DERA: variants seen among roughly 807,000 people sequenced by gnomAD.
DERA encodes deoxyribose-phosphate aldolase, also known as 2-deoxy-D-ribose 5-phosphate aldolase.
Under a neutral mutation model 41.1 loss-of-function variants are expected in DERA, and 15 were observed. That is an observed-to-expected ratio of 0.37 (90% confidence interval 0.24 to 0.56). The LOEUF (loss-of-function observed/expected upper bound fraction) is 0.56, where lower values mean the gene tolerates loss of function less well. Ranked by LOEUF, DERA falls within the 20% of genes least tolerant of loss-of-function variation. The probability of loss-of-function intolerance (pLI) is 0.81; values close to 1 mark genes in which losing one functional copy is unlikely to be tolerated. For synonymous variants in DERA, 139 were observed against 137.4 expected (o/e 1.01, Z -0.08); for missense variants, 396 against 403.4 (o/e 0.98, Z 0.16).
In DERA at chr12:15,972,416, A is replaced by T. The variant is rs1948667688; in HGVS notation, c.508+9469A>T. ...TTCACCCTTTAGAGACACTGCACAC[A>T]TCCCAGCCAGCTGGCTGTCCCGCAG... On this transcript the variant is annotated intron_variant, in intron 5 of 8. Coordinates refer to ENST00000428559, the MANE Select transcript of DERA (RefSeq NM_015954.4). The surrounding 1 kb of genome is among the most constrained non-coding windows in gnomAD (Gnocchi z 4.4). The T allele has an allele frequency of 6.5e-6, 1 of 152,788 alleles. No homozygotes were observed. 9.5% of individuals were successfully genotyped at this position (152,788 alleles called of 1,614,324 possible).
rs755996769 is a variant in DERA, at chr12:16,036,285, GCT to G, written c.811_812del (p.Leu271CysfsTer8). The G allele has an allele frequency of 5.6e-6, 9 of 1,613,482 alleles. No individual in the cohort carries two copies. Among genetic ancestry groups the G allele is most frequent in the Non-Finnish European group, 6.8e-6 (8 of 1,179,732 alleles). On this transcript the variant is annotated frameshift_variant, in exon 8 of 9. Coordinates refer to ENST00000428559, the MANE Select transcript of DERA (RefSeq NM_015954.4). LOFTEE classifies it high-confidence loss of function. This position sits in a 1 kb window ranked among gnomAD's most constrained non-coding sequence, Gnocchi z 4.9. ...GCAGTGCAAAGGATTCCCTTGCTTG[GCT>G]CTCTCTTGTAAAGGAGGAGCTTGGA... is the stretch of plus-strand genomic sequence containing the variant. ...IRSAKDSLAW[L>X]SLVKEELGDE...
chr12:15,994,761 C>T lies in DERA; in HGVS notation c.637+12325C>T, dbSNP rs1948826489. Among the ~76,000 whole-genome samples, 1 of 152,154 alleles carries T rather than the reference C, an allele frequency of 6.6e-6. No individual in the cohort carries two copies. The highest frequency in any genetic ancestry group is 1.5e-5 in the Non-Finnish European group (1 of 68,030). ...AGCCACCGCGCCTGGCCAGAAAATT[C>T]TTAAAATGGTGGGAAATTGGAATCC... On this transcript the variant is annotated intron_variant, in intron 6 of 8. Transcript: ENST00000428559. The surrounding 1 kb of genome is among the most constrained non-coding windows in gnomAD (Gnocchi z 4.8).
chr12:15,991,562 A>G (rs1036167653), intron 6 of DERA, among the ~76,000 whole-genome samples: 1 of 152,194 alleles, frequency 6.6e-6, no homozygotes, highest in Non-Finnish European at 1.5e-5. Context: ...AGCAGCTGTA[A>G]TTATCCAGAA....
At chr12:15,920,613 T>A (rs993498001) in intron 1 of DERA, among the ~76,000 whole-genome samples, 5 of 151,422 alleles carry the variant, frequency 3.3e-5, no homozygotes, top group Non-Finnish European at 1.5e-5. Flanking sequence ...GGCGGGCGGA[T>A]CATGAGATGA....
intron 1 of DERA, among the ~76,000 whole-genome samples, chr12:15,934,369 A>G (rs1350731177): frequency 6.6e-6 from 1 of 152,008 alleles, no homozygotes; most frequent in Non-Finnish European, 1.5e-5. Context: ...GGTGAATCAC[A>G]AGGTCAGGAG....
rs372595872 is a variant in DERA at position 15,956,942 on chromosome 12, G to C, written c.38G>C (p.Ser13Thr). 3 of 1,613,458 alleles carry C rather than the reference G, an allele frequency of 1.9e-6. No homozygotes were observed. In the African/African-American group the frequency reaches 4.0e-5, roughly 22 times the overall value. ...GTTTTTCTGTCTGTTTTAGACCTTAGCTGGATCTCCAAAATACAAGTGAAT... is the reference window on the plus strand; with the variant it reads ...GTTTTTCTGTCTGTTTTAGACCTTACCTGGATCTCCAAAATACAAGTGAAT... ...AHNRGTELDL[S>T]WISKIQVNHP... is the part of the protein sequence containing the mutation. The change falls in exon 2 of 9, where the codon AGC (serine) becomes ACC (threonine). Residue 13 changes from serine (S) to threonine (T), a missense_variant. Transcript: ENST00000428559.
At chr12:15,945,342 T>C (rs1331258090) in intron 1 of DERA, among the ~76,000 whole-genome samples, 1 of 152,218 alleles carries the variant, frequency 6.6e-6, no homozygotes, top group African/African-American at 2.4e-5. Context: ...TTTCACGATA[T>C]TGATTCTTCC....
At chr12:15,975,930 T>A (rs975412739) in intron 5 of DERA, among the ~76,000 whole-genome samples, 3 of 152,256 alleles carry the variant, frequency 2.0e-5, no homozygotes, top group Non-Finnish European at 4.4e-5. Context: ...GAAACCAAGA[T>A]CTGGGTGCTA....
At chr12:15,971,604 C>T (rs1403425765) in intron 5 of DERA, among the ~76,000 whole-genome samples, 1 of 150,386 alleles carries the variant, frequency 6.6e-6, no homozygotes, top group Non-Finnish European at 1.5e-5. Flanking sequence ...GCAGTCTCTG[C>T]CTCCCAGGTT....
Position 15,928,815 on chromosome 12 carries a change from T to C in DERA, c.31+17401T>C, listed in dbSNP as rs886513818. On this transcript the variant is annotated intron_variant, in intron 1 of 8. Coordinates refer to ENST00000428559, the MANE Select transcript of DERA (RefSeq NM_015954.4). This position sits in a 1 kb window ranked among gnomAD's most constrained non-coding sequence, Gnocchi z 4.6. ...CCTTTATATGTGCAGTTTAAAATGT[T>C]TAACCAAAGGGAATATTTGGTTGTG... is the stretch of plus-strand genomic sequence containing the variant. 6.6e-6 allele frequency among the ~76,000 whole-genome samples: 1 copy of C among 152,220 alleles called. No homozygotes were observed. The highest frequency in any genetic ancestry group is 1.5e-5 in the Non-Finnish European group (1 of 68,042).
In DERA at chr12:15,965,820, C is replaced by G. The variant is rs551634329; in HGVS notation, c.508+2873C>G. Among the ~76,000 whole-genome samples, 1 of 152,150 alleles carries G rather than the reference C, an allele frequency of 6.6e-6. No individual in the cohort carries two copies. Among genetic ancestry groups the G allele is most frequent in the South Asian group, 2.1e-4 (1 of 4,824 alleles). On this transcript the variant is annotated intron_variant, in intron 5 of 8. Coordinates refer to ENST00000428559, the MANE Select transcript of DERA (RefSeq NM_015954.4). The surrounding 1 kb of genome is among the most constrained non-coding windows in gnomAD (Gnocchi z 4.1). ...AGGTCCTTGCATCAGGGCTGCTTTT[C>G]TTTGCTTCTTCCTTTGCTCCTTCCT...
chr12:15,934,032 AG>A (rs1300763976), intron 1 of DERA, among the ~76,000 whole-genome samples: 2 of 152,182 alleles, frequency 1.3e-5, no homozygotes, highest in South Asian at 2.1e-4. Flanking sequence ...TGGTTGTACT[AG>A]GATAAAGCAC....
At position 15,972,953 on chromosome 12, in the gene DERA, C is replaced by T. The variant is rs559085582; in HGVS notation, c.509-9355C>T. Among the ~76,000 whole-genome samples, 19 of 152,322 alleles carry T rather than the reference C, an allele frequency of 1.2e-4. No homozygotes were observed. The South Asian group carries it at 3.9e-3, about 32-fold the overall frequency. ...TGATTTGGATGCTGTTTCAAACATGCAGTCTGACCCCTTTCCCTCCTTTCC... is the reference window on the plus strand; with the variant it reads ...TGATTTGGATGCTGTTTCAAACATGTAGTCTGACCCCTTTCCCTCCTTTCC... On this transcript the variant is annotated intron_variant, in intron 5 of 8. Coordinates refer to ENST00000428559, the MANE Select transcript of DERA (RefSeq NM_015954.4). This position sits in a 1 kb window ranked among gnomAD's most constrained non-coding sequence, Gnocchi z 4.4.
intron 5 of DERA, among the ~76,000 whole-genome samples, chr12:15,971,188 G>T (rs1368983642): frequency 3.3e-5 from 5 of 152,196 alleles, no homozygotes; most frequent in African/African-American, 1.2e-4. Context: ...CTTCCATTGT[G>T]CCTTTCTGTG....
chr12:15,997,751 G>C (rs1000296948), intron 6 of DERA, among the ~76,000 whole-genome samples: 1 of 152,144 alleles, frequency 6.6e-6, no homozygotes, highest in Admixed American at 6.5e-5. Flanking sequence ...ATTATGTAGA[G>C]AACATACTTT....
At position 15,962,985 on chromosome 12, in the gene DERA, C is replaced by T. The variant is rs2136150269; in HGVS notation, c.508+38C>T. On this transcript the variant is annotated intron_variant, in intron 5 of 8. Coordinates refer to ENST00000428559, the MANE Select transcript of DERA (RefSeq NM_015954.4). ...TTTTACCTAAGAGAGTTTCACCATT[C>T]TTCCCTGGTGAATCAGATGATGAGG... The T allele has an allele frequency of 1.9e-6, 3 of 1,585,924 alleles. No individual in the cohort carries two copies. In the South Asian group the frequency reaches 3.5e-5, roughly 18 times the overall value.
chr12:16,018,241 T>C (rs775260232), intron 6 of DERA, among the ~76,000 whole-genome samples: 33 of 152,180 alleles, frequency 2.2e-4, no homozygotes, highest in Non-Finnish European at 4.1e-4. Flanking sequence ...ATTTTCAAAA[T>C]TGAATAATAA....
rs376013313 is a variant in DERA at position 15,958,258 on chromosome 12, A to G, written c.200A>G (p.Asn67Ser). ...TTLSGDDTSS[N>S]IQRLCYKAKY... is the part of the protein sequence containing the mutation. The stretch of plus-strand genomic sequence containing the variant: ...CTTTCAGGTGATGATACATCTTCCA[A>G]CATTCAAAGGCTCTGTTATAAAGCC... Residue 67 changes from asparagine (N) to serine (S), a missense_variant, in exon 3 of 9, where the codon AAC (asparagine) becomes AGC (serine). Asn to Ser is a conservative substitution (Grantham distance 46). Coordinates refer to ENST00000428559, the MANE Select transcript of DERA (RefSeq NM_015954.4). 16 of 1,597,074 alleles carry G rather than the reference A, an allele frequency of 1.0e-5. No homozygotes were observed. The highest frequency in any genetic ancestry group is 7.0e-5 in the Admixed American group (4 of 57,398).
chr12:15,980,407 G>A (rs949088712), intron 5 of DERA, among the ~76,000 whole-genome samples: 2 of 152,212 alleles, frequency 1.3e-5, no homozygotes, highest in African/African-American at 4.8e-5. Context: ...ACTTGGATTA[G>A]CGTTCTTGGA....
Sources: gnomAD v4.1 joint callset for allele counts (sites outside exome capture counted in the v4.1 genomes callset) on GRCh38, gnomAD v4.1.1 for gene constraint, Gnocchi (gnomAD v3.1) non-coding constraint, MANE v1.5 for transcripts, NCBI Gene and HGNC (gene_info 2026-07-23, HGNC 2026-07-21) for gene names.